The following NTN1 variants were observed in gnomAD, a reference collection of about 807,000 sequenced individuals.
The protein encoded by NTN1 is netrin-1.
In NTN1, 11 loss-of-function variants were observed where a neutral mutation model predicts 54.2. That is an observed-to-expected ratio of 0.20 (90% CI 0.13 to 0.34). The LOEUF is 0.34. Among genes scored for constraint, NTN1 ranks in the 10% least tolerant of loss-of-function variants. The pLI, the probability that NTN1 is intolerant of heterozygous loss-of-function variation, is 1.00. For synonymous variants in NTN1, 371 were observed against 382.0 expected, an observed-to-expected ratio of 0.97 and a Z score of 0.33; for missense variants, 740 against 893.1, an observed-to-expected ratio of 0.83 and a Z score of 2.18.
intron 6 of NTN1, among the ~76,000 whole-genome samples, chr17:9,227,916 C>T (rs1905654406): frequency 6.6e-6 from 1 of 152,036 alleles, no homozygotes; most frequent in African/African-American, 2.4e-5. Context: ...CCACTACACA[C>T]AGCATCACAC....
the NTN1 span, among the ~76,000 whole-genome samples, chr17:9,013,219 T>TC: frequency 6.9e-6 from 1 of 144,168 alleles, no homozygotes. Context: ...TCTTTTTCTT[T>TC]TTTTTTTTTT....
At chr17:9,216,738 AT>A (rs1330685378) in intron 5 of NTN1, among the ~76,000 whole-genome samples, 1 of 152,096 alleles carries the variant, frequency 6.6e-6, no homozygotes, top group Non-Finnish European at 1.5e-5. Context: ...CTCTGCAATG[AT>A]TTAGATAGAA....
intron 2 of NTN1, among the ~76,000 whole-genome samples, chr17:9,073,846 G>A (rs1252897323): frequency 6.6e-6 from 1 of 152,212 alleles, no homozygotes; most frequent in African/African-American, 2.4e-5. Flanking sequence ...CAGCCTGTTG[G>A]GGATTCTTGG....
intron 5 of NTN1, among the ~76,000 whole-genome samples, chr17:9,194,137 G>A (rs1469246407): frequency 6.6e-6 from 1 of 151,930 alleles, no homozygotes; most frequent in East Asian, 1.9e-4. Context: ...TTGGGAGGCT[G>A]AGGCAGGAGA....
intron 5 of NTN1, among the ~76,000 whole-genome samples, chr17:9,196,035 G>A (rs959864421): frequency 3.3e-5 from 5 of 152,034 alleles, no homozygotes; most frequent in African/African-American, 9.7e-5. Context: ...GATACATTTG[G>A]CCCCTTCTCA....
intron 5 of NTN1, among the ~76,000 whole-genome samples, chr17:9,196,728 T>G (rs1171202752): frequency 6.6e-6 from 1 of 152,192 alleles, no homozygotes; most frequent in Non-Finnish European, 1.5e-5. Flanking sequence ...GTGACAAGTG[T>G]CATTTGCACA....
At chr17:9,072,276 C>T (rs1423157689) in intron 2 of NTN1, among the ~76,000 whole-genome samples, 1 of 150,830 alleles carries the variant, frequency 6.6e-6, no homozygotes, top group Non-Finnish European at 1.5e-5. Flanking sequence ...CAAGCGGGCA[C>T]CACACCCGTG....
chr17:9,081,017 T>C (rs944099878), intron 2 of NTN1, among the ~76,000 whole-genome samples: 4 of 152,178 alleles, frequency 2.6e-5, no homozygotes, highest in Non-Finnish European at 4.4e-5. Context: ...GGAGGGGCTC[T>C]AGGGAACCTT....
At chr17:9,223,023 G>C (rs548233782) in intron 6 of NTN1, among the ~76,000 whole-genome samples, 1 of 152,214 alleles carries the variant, frequency 6.6e-6, no homozygotes, top group East Asian at 1.9e-4. Flanking sequence ...CAGCTGGCAG[G>C]TATTATGCAT....
chr17:9,201,011 G>T (rs1468944415), intron 5 of NTN1, among the ~76,000 whole-genome samples: 1 of 151,854 alleles, frequency 6.6e-6, no homozygotes, highest in Admixed American at 6.6e-5. Flanking sequence ...ATGGGCTGCT[G>T]TTTTTTTTAA....
At chr17:9,234,708 A>G (rs1204454735) in intron 6 of NTN1, among the ~76,000 whole-genome samples, 1 of 152,210 alleles carries the variant, frequency 6.6e-6, no homozygotes, top group Non-Finnish European at 1.5e-5. Context: ...GCAAGGCTCG[A>G]GGAAGGGAGG....
At chr17:9,096,572 C>T (rs913752726) in intron 2 of NTN1, among the ~76,000 whole-genome samples, 2 of 151,886 alleles carry the variant, frequency 1.3e-5, no homozygotes, top group African/African-American at 2.4e-5. Context: ...GGGGTTTCAC[C>T]GTGTTAGCCA....
chr17:9,058,699 G>C (rs2091987176), intron 2 of NTN1, among the ~76,000 whole-genome samples: 1 of 107,936 alleles, frequency 9.3e-6, no homozygotes, highest in South Asian at 2.9e-4. Flanking sequence ...TTAGAGAAAA[G>C]AATGGAAAAC....
At chr17:9,193,095 AG>A (rs58241112) in intron 5 of NTN1, among the ~76,000 whole-genome samples, 2,033 of 135,438 alleles carry the variant, frequency 0.015, 64 homozygotes, top group African/African-American at 0.047. Flanking sequence ...AAAAAAAAAA[AG>A]AAAAAGAAAA....
chr17:9,085,218 G>A (rs2092086348), intron 2 of NTN1, among the ~76,000 whole-genome samples: 1 of 152,172 alleles, frequency 6.6e-6, no homozygotes, highest in Non-Finnish European at 1.5e-5. Context: ...TCCCATGATT[G>A]TCATCCAGAG....
intron 2 of NTN1, among the ~76,000 whole-genome samples, chr17:9,065,231 C>T (rs560024663): frequency 7.9e-5 from 12 of 152,278 alleles, no homozygotes; most frequent in African/African-American, 2.4e-4. Flanking sequence ...GCCACTGTGC[C>T]CAGCCTTATG....
chr17:9,195,128 C>T (rs919796495), intron 5 of NTN1, among the ~76,000 whole-genome samples: 2 of 152,046 alleles, frequency 1.3e-5, no homozygotes, highest in East Asian at 1.9e-4. Context: ...TTCTCCTTTT[C>T]GGGACCTGCA....
chr17:9,181,783 A>G (rs1416401400), intron 4 of NTN1, among the ~76,000 whole-genome samples: 1 of 152,136 alleles, frequency 6.6e-6, no homozygotes, highest in Non-Finnish European at 1.5e-5. Flanking sequence ...ATGGTCACTC[A>G]CCAGGGGAAG....
At chr17:9,151,416 C>T (rs376356064) in intron 2 of NTN1, among the ~76,000 whole-genome samples, 12 of 152,152 alleles carry the variant, frequency 7.9e-5, no homozygotes, top group Non-Finnish European at 2.9e-5. Flanking sequence ...TTTGGCAAGC[C>T]GGGAACTCCA....
Sources: gnomAD v4.1 joint callset for allele counts (sites outside exome capture counted in the v4.1 genomes callset) on GRCh38, gnomAD v4.1.1 for gene constraint, MANE v1.5 for transcripts, NCBI Gene and HGNC (gene_info 2026-07-23, HGNC 2026-07-21) for gene names.